The following VWC2L variants were observed in gnomAD, a reference collection of about 807,000 sequenced individuals.
VWC2L encodes the protein von Willebrand factor C domain containing 2 like.
In VWC2L, 10 loss-of-function variants were observed where a neutral mutation model predicts 21.6. The ratio of observed to expected loss-of-function variants is 0.46; its 90% CI spans 0.29 to 0.78. The LOEUF is 0.78. Among genes scored for constraint, VWC2L ranks in the 30% least tolerant of loss-of-function variants. The pLI, the probability that VWC2L is intolerant of heterozygous loss-of-function variation, is 0.10. For synonymous variants in VWC2L, 96 were observed against 94.3 expected, an observed-to-expected ratio of 1.02 and a Z score of -0.10; for missense variants, 209 against 277.1, an observed-to-expected ratio of 0.75 and a Z score of 1.74.
chr2:214,485,332 T>A (rs1190719550), intron 3 of VWC2L, among the ~76,000 whole-genome samples: 1 of 151,898 alleles, frequency 6.6e-6, no homozygotes, highest in African/African-American at 2.4e-5. Flanking sequence ...AAAGTGTGTA[T>A]CTTAACTACA....
chr2:214,543,754 C>T (rs904590273), intron 3 of VWC2L, among the ~76,000 whole-genome samples: 5 of 152,014 alleles, frequency 3.3e-5, no homozygotes, highest in African/African-American at 1.2e-4. Flanking sequence ...CCTATATGCC[C>T]TCTCAAAGCC....
chr2:214,524,533 C>G lies in VWC2L; in HGVS notation c.521-51139C>G, dbSNP rs749343576. 3.3e-5 allele frequency among the ~76,000 whole-genome samples: 5 copies of G among 152,232 alleles called. No individual in the cohort carries two copies. In the South Asian group the frequency reaches 6.2e-4, roughly 19 times the overall value. Reference sequence around the variant, plus strand: ...TATGGGCAATACAAATTGTAATTAACCCAGTTTGGATTCTAACCTATTCTG... The same window carrying G: ...TATGGGCAATACAAATTGTAATTAAGCCAGTTTGGATTCTAACCTATTCTG... On this transcript the variant is annotated intron_variant, in intron 3 of 3. Coordinates refer to ENST00000312504, the MANE Select transcript of VWC2L (RefSeq NM_001080500.4).
chr2:214,425,505 C>T (rs1004354354), intron 2 of VWC2L, among the ~76,000 whole-genome samples: 1 of 152,110 alleles, frequency 6.6e-6, no homozygotes, highest in Admixed American at 6.5e-5. Context: ...TCAAATAAAA[C>T]AGATAAAGAT....
At chr2:214,464,907 T>C (rs1703192787) in intron 3 of VWC2L, among the ~76,000 whole-genome samples, 1 of 152,172 alleles carries the variant, frequency 6.6e-6, no homozygotes, top group African/African-American at 2.4e-5. Flanking sequence ...TCTCTCTCTG[T>C]GGCCACCACT....
Position 214,575,763 on chromosome 2 carries a change from C to A in VWC2L, c.612C>A (p.Asp204Glu), listed in dbSNP as rs774809053. The change falls in exon 4 of 4, where the codon GAC (aspartate) becomes GAA (glutamate). Residue 204 changes from aspartate (D) to glutamate (E), a missense_variant. Physicochemically the swap from Asp to Glu is conservative, Grantham distance 45. Transcript: ENST00000312504. Reference sequence around the variant, plus strand: ...ACATCTGTCATTGTCACAACGGGGACTGGTGGAAGCCTGCTCAGTGTTCGA... The same window carrying A: ...ACATCTGTCATTGTCACAACGGGGAATGGTGGAAGCCTGCTCAGTGTTCGA... ...ECNICHCHNG[D>E]WWKPAQCSKR... 5 of 1,613,548 alleles carry A rather than the reference C, an allele frequency of 3.1e-6. No homozygotes were observed. The highest frequency in any genetic ancestry group is 4.2e-6 in the Non-Finnish European group (5 of 1,179,550).
chr2:214,430,169 A>T (rs1702578914), intron 2 of VWC2L, among the ~76,000 whole-genome samples: 1 of 151,942 alleles, frequency 6.6e-6, no homozygotes, highest in African/African-American at 2.4e-5. Flanking sequence ...ACATTGATAA[A>T]ATGTCACTGT....
chr2:214,501,588 G>T (rs1481488267), intron 3 of VWC2L, among the ~76,000 whole-genome samples: 2 of 152,104 alleles, frequency 1.3e-5, no homozygotes. Context: ...AGGGCATGGT[G>T]GTGGGTGCCT....
At chr2:214,468,299 C>A (rs1463355784) in intron 3 of VWC2L, among the ~76,000 whole-genome samples, 1 of 152,188 alleles carries the variant, frequency 6.6e-6, no homozygotes, top group Non-Finnish European at 1.5e-5. Context: ...AGGCGTGAGC[C>A]ATTGCACCTG....
At chr2:214,531,128 G>A (rs1015475591) in intron 3 of VWC2L, among the ~76,000 whole-genome samples, 13 of 152,124 alleles carry the variant, frequency 8.5e-5, no homozygotes, top group African/African-American at 3.1e-4. Flanking sequence ...AAAGGAAAGT[G>A]GCTATTCCCC....
intron 3 of VWC2L, among the ~76,000 whole-genome samples, chr2:214,461,721 G>A (rs1703144144): frequency 6.6e-6 from 1 of 152,196 alleles, no homozygotes; most frequent in Non-Finnish European, 1.5e-5. Flanking sequence ...CACAGGAGCA[G>A]GTTATGATAG....
intron 2 of VWC2L, among the ~76,000 whole-genome samples, chr2:214,415,545 A>G (rs1223101426): frequency 1.3e-5 from 2 of 152,126 alleles, no homozygotes; most frequent in Non-Finnish European, 2.9e-5. Context: ...TTTATGTATG[A>G]GAGAAGACAT....
At chr2:214,457,276 A>AT (rs1404748113) in intron 3 of VWC2L, among the ~76,000 whole-genome samples, 2 of 152,056 alleles carry the variant, frequency 1.3e-5, no homozygotes, top group Non-Finnish European at 2.9e-5. Context: ...AAGTCTTGTA[A>AT]TTCCTTTTAA....
intron 3 of VWC2L, among the ~76,000 whole-genome samples, chr2:214,562,175 C>T: frequency 6.6e-6 from 1 of 151,972 alleles, no homozygotes; most frequent in Non-Finnish European, 1.5e-5. Flanking sequence ...CAACAGGCCC[C>T]AGTGTGTGTT....
chr2:214,572,250 G>A (rs1417377282), intron 3 of VWC2L, among the ~76,000 whole-genome samples: 1 of 152,168 alleles, frequency 6.6e-6, no homozygotes, highest in Non-Finnish European at 1.5e-5. Flanking sequence ...CCCAGAAGGA[G>A]GAGAGAACAG....
chr2:214,550,972 T>C (rs1198215893), intron 3 of VWC2L, among the ~76,000 whole-genome samples: 1 of 152,202 alleles, frequency 6.6e-6, no homozygotes, highest in Non-Finnish European at 1.5e-5. Flanking sequence ...GGGCCTCTAG[T>C]TCCATTTATG....
At chr2:214,454,598 CTTTTTTTTT>C (rs34032234) in intron 3 of VWC2L, among the ~76,000 whole-genome samples, 3 of 64,144 alleles carry the variant, frequency 4.7e-5, no homozygotes, top group African/African-American at 1.9e-4. Flanking sequence ...GATTGATTTT[CTTTTTTTTT>C]TTTTTTTTTT....
At position 214,577,129 on chromosome 2, in the gene VWC2L, ATAGT is replaced by A. The variant is rs1559336988; in HGVS notation, c.*1314_*1317del. 1 of 152,194 alleles carries A rather than the reference ATAGT, an allele frequency of 6.6e-6. No individual in the cohort carries two copies. Among genetic ancestry groups the A allele is most frequent in the African/African-American group, 2.4e-5 (1 of 41,438 alleles). The allele number at this position is 152,194 out of a possible 1,614,324, so 9.4% of individuals were successfully genotyped here. On this transcript the variant is annotated 3_prime_UTR_variant, in exon 4 of 4. Coordinates refer to ENST00000312504, the MANE Select transcript of VWC2L (RefSeq NM_001080500.4). ...ATTAACAATTCTGAAACCACATGGC[ATAGT>A]TAGTCGCTTATTCCATGCTCCTGCC...
chr2:214,485,209 C>A (rs909521062), intron 3 of VWC2L, among the ~76,000 whole-genome samples: 1 of 152,052 alleles, frequency 6.6e-6, no homozygotes, highest in African/African-American at 2.4e-5. Flanking sequence ...AGTCCCACTA[C>A]TCAGGTGGCG....
At chr2:214,442,604 T>C (rs1702776951) in intron 3 of VWC2L, among the ~76,000 whole-genome samples, 1 of 152,068 alleles carries the variant, frequency 6.6e-6, no homozygotes, top group Non-Finnish European at 1.5e-5. Flanking sequence ...AACTTTGATA[T>C]TTTATTTCAC....
Sources: gnomAD v4.1 joint callset for allele counts (sites outside exome capture counted in the v4.1 genomes callset) on GRCh38, gnomAD v4.1.1 for gene constraint, MANE v1.5 for transcripts, NCBI Gene and HGNC (gene_info 2026-07-23, HGNC 2026-07-21) for gene names.